Variants in FAM193A observed in about 807,000 individuals in gnomAD.
The protein encoded by FAM193A is family with sequence similarity 193 member A, also known as protein FAM193A.
Under a neutral mutation model 126.5 loss-of-function variants are expected in FAM193A, and 22 were observed. The observed-to-expected ratio is 0.17, with a 90% confidence interval of 0.12 to 0.25. The LOEUF is 0.25. Ranked by LOEUF, FAM193A falls within the 10% of genes least tolerant of loss-of-function variation. The pLI is 1.00. For missense variants in FAM193A, 1,675 were observed against 1,672.8 expected, an observed-to-expected ratio of 1.00 and a Z score of -0.02; for synonymous variants, 761 against 646.8, an observed-to-expected ratio of 1.18 and a Z score of -2.68.
chr4:2,601,965 G>A (rs61790221), intron 2 of FAM193A, among the ~76,000 whole-genome samples: 104,971 of 151,800 alleles, frequency 0.69, 38,146 homozygotes, highest in African/African-American at 0.92. Context: ...CAGTCTCCTG[G>A]GTAGCTGGGA....
intron 2 of FAM193A, among the ~76,000 whole-genome samples, chr4:2,619,290 T>A (rs1274439508): frequency 6.6e-6 from 1 of 151,914 alleles, no homozygotes; most frequent in African/African-American, 2.4e-5. Flanking sequence ...TTTGGGGAGA[T>A]CTGTTTCTTT....
In FAM193A at chr4:2,672,372, G is replaced by A. The variant is rs1229482881; in HGVS notation, c.2331G>A (p.Lys777=). Residue 777 remains lysine, a splice_region_variant and synonymous_variant, in exon 13 of 21, where the codon AAG becomes AAA. Transcript: ENST00000637812. ...CAACGCCCCCCTTCACACACAGTAA[G>A]GTAAGTCAGGGCAAAAAGGGTCTGA... ...LYATPPFTHS[K]ALPPAPVQNH... 2.5e-6 allele frequency: 4 copies of A among 1,613,752 alleles called. No homozygotes were observed.
Position 2,731,756 on chromosome 4 carries a change from T to G in FAM193A, c.4455-19T>G, listed in dbSNP as rs756672524. 2 of 1,600,770 alleles carry G rather than the reference T, an allele frequency of 1.2e-6. No homozygotes were observed. The highest frequency in any genetic ancestry group is 1.7e-4 in the Middle Eastern group (1 of 6,002). On this transcript the variant is annotated intron_variant, in intron 20 of 20. Coordinates refer to ENST00000637812, the MANE Select transcript of FAM193A (RefSeq NM_001366318.2). ...TGGGCTGTTTCCTTCAGTGACTGTT[T>G]GGCTTTTTGTCTTTGCAGGTTCTGC...
chr4:2,613,162 G>C (rs578134964), intron 2 of FAM193A, among the ~76,000 whole-genome samples: 1 of 152,074 alleles, frequency 6.6e-6, no homozygotes, highest in African/African-American at 2.4e-5. Flanking sequence ...TTCCAGACAG[G>C]CACAGTGGCT....
At chr4:2,649,327 A>G (rs1335790275) in intron 7 of FAM193A, among the ~76,000 whole-genome samples, 1 of 145,088 alleles carries the variant, frequency 6.9e-6, no homozygotes, top group Non-Finnish European at 1.5e-5. Context: ...GTGATCTATG[A>G]TGGTGCCACT....
At chr4:2,556,299 G>A (rs1334589375) in intron 1 of FAM193A, among the ~76,000 whole-genome samples, 2 of 151,692 alleles carry the variant, frequency 1.3e-5, no homozygotes, top group East Asian at 1.9e-4. Flanking sequence ...TCCACCTCCC[G>A]GGTTCAAGCA....
chr4:2,695,334 A>T (rs1279623925), intron 17 of FAM193A, among the ~76,000 whole-genome samples: 2 of 152,172 alleles, frequency 1.3e-5, no homozygotes, highest in African/African-American at 4.8e-5. Flanking sequence ...TTTTAAGGTA[A>T]CTGGTAAATC....
At chr4:2,558,579 G>C (rs1435407167) in intron 1 of FAM193A, among the ~76,000 whole-genome samples, 1 of 152,152 alleles carries the variant, frequency 6.6e-6, no homozygotes, top group African/African-American at 2.4e-5. Context: ...ATGAGATCTT[G>C]TATGTTGCCT....
chr4:2,632,625 G>A (rs143205333), intron 5 of FAM193A, among the ~76,000 whole-genome samples: 7 of 146,978 alleles, frequency 4.8e-5, no homozygotes, highest in African/African-American at 7.4e-5. Flanking sequence ...GCTTCACTGC[G>A]CCAAGCCATG....
At chr4:2,709,658 G>A (rs756679653) in intron 19 of FAM193A, among the ~76,000 whole-genome samples, 4 of 151,824 alleles carry the variant, frequency 2.6e-5, no homozygotes, top group Non-Finnish European at 5.9e-5. Context: ...GCAGTGAGCC[G>A]AGAACACGCC....
chr4:2,585,045 A>G (rs1343810481), intron 1 of FAM193A, among the ~76,000 whole-genome samples: 1 of 152,222 alleles, frequency 6.6e-6, no homozygotes, highest in Non-Finnish European at 1.5e-5. Flanking sequence ...TGTCTCACCC[A>G]ACAATATTTG....
intron 13 of FAM193A, among the ~76,000 whole-genome samples, chr4:2,678,361 T>G (rs937106491): frequency 3.4e-4 from 40 of 116,028 alleles, no homozygotes; most frequent in African/African-American, 9.6e-4. Context: ...GTTTTGGTGG[T>G]TTTTTTTTTT....
At chr4:2,677,261 T>G (rs1577187344) in intron 13 of FAM193A, among the ~76,000 whole-genome samples, 1 of 152,210 alleles carries the variant, frequency 6.6e-6, no homozygotes, top group East Asian at 1.9e-4. Flanking sequence ...TGACCATATA[T>G]CTGAAGTTCC....
At chr4:2,538,693 G>GC (rs1737041465) in intron 1 of FAM193A, among the ~76,000 whole-genome samples, 1 of 139,622 alleles carries the variant, frequency 7.2e-6, no homozygotes, top group African/African-American at 2.6e-5. Context: ...GGGCGGGGGG[G>GC]GTTTGCCTGT....
chr4:2,716,513 C>T (rs993595621), intron 20 of FAM193A, among the ~76,000 whole-genome samples: 6 of 152,272 alleles, frequency 3.9e-5, no homozygotes, highest in African/African-American at 1.4e-4. Context: ...GACAGCCTTC[C>T]GGGTGACCCT....
Position 2,630,893 on chromosome 4 carries a change from G to A in FAM193A, c.804-42G>A, listed in dbSNP as rs766336343. ...GCTCACTGACATCAGAGCACCCATG[G>A]GCCCTGGTGGGCAGGCCCTGGTGAC... is the stretch of plus-strand genomic sequence containing the variant. On this transcript the variant is annotated intron_variant, in intron 4 of 20. Transcript: ENST00000637812. The A allele has an allele frequency of 2.4e-5, 28 of 1,164,304 alleles. No homozygotes were observed. In the South Asian group the frequency reaches 3.6e-4, roughly 15 times the overall value. The allele number at this position is 1,164,304 out of a possible 1,614,324, so 72.1% of individuals were successfully genotyped here.
chr4:2,618,998 C>G (rs1165200884), intron 2 of FAM193A, among the ~76,000 whole-genome samples: 4 of 152,168 alleles, frequency 2.6e-5, no homozygotes, highest in African/African-American at 9.7e-5. Context: ...TCCCAAAATG[C>G]TGGGATTATA....
chr4:2,683,968 A>G (rs1336373953), intron 13 of FAM193A, among the ~76,000 whole-genome samples: 1 of 152,166 alleles, frequency 6.6e-6, no homozygotes, highest in Admixed American at 6.5e-5. Context: ...TGAGTCCATC[A>G]CTGATAGTCT....
At chr4:2,576,676 ATTTC>A (rs1447884975) in intron 1 of FAM193A, among the ~76,000 whole-genome samples, 6 of 152,144 alleles carry the variant, frequency 3.9e-5, no homozygotes, top group African/African-American at 1.4e-4. Flanking sequence ...GTGAGACCTT[ATTTC>A]TTAGAGGCAA....
Sources: gnomAD v4.1 joint callset for allele counts (sites outside exome capture counted in the v4.1 genomes callset) on GRCh38, gnomAD v4.1.1 for gene constraint, MANE v1.5 for transcripts, NCBI Gene and HGNC (gene_info 2026-07-23, HGNC 2026-07-21) for gene names.